Variants in FRYL observed in about 807,000 individuals in gnomAD.
FRYL encodes the protein FRY like transcription coactivator.
A neutral mutation model predicts 351.2 loss-of-function variants in FRYL; 150 were observed. That is an observed-to-expected ratio of 0.43 (90% CI 0.37 to 0.49). The LOEUF (loss-of-function observed/expected upper bound fraction) is 0.49, where lower values mean the gene tolerates loss of function less well. Among genes scored for constraint, FRYL ranks in the 20% least tolerant of loss-of-function variants. FRYL has a pLI of 0.00. For missense variants in FRYL, 3,036 were observed against 3,619.3 expected (o/e 0.84, Z 4.13); for synonymous variants, 1,153 against 1,257.1 (o/e 0.92, Z 1.75).
Position 48,499,558 on chromosome 4 carries a change from T to A in FRYL, c.8906A>T (p.Asn2969Ile). The change falls in exon 64 of 64, where the codon AAC becomes ATC. Residue 2969 changes from asparagine to isoleucine, a missense_variant. Asn to Ile is a moderately radical substitution (Grantham distance 149, BLOSUM62 -3). Transcript: ENST00000358350. ...GTAGTTGGCTTCTGACATGTCCAGG[T>A]TAGAGCCTATAACTGCAAAGCTTCC... ...QTGSFAVIGS[N>I]LDMSEANYKL... 6.2e-7 allele frequency: 1 copy of A among 1,614,126 alleles called. No individual in the cohort carries two copies. The highest frequency in any genetic ancestry group is 8.5e-7 in the Non-Finnish European group (1 of 1,179,992).
intron 2 of FRYL, 146 bp downstream of exon 2, chr4:48,710,373 G>T: frequency 2.5e-6 from 1 of 395,180 alleles, no homozygotes. Flanking sequence ...AATGTAATAT[G>T]TAAAAAATGT....
chr4:48,710,268 G>A (rs1261422831), intron 2 of FRYL, among the ~76,000 whole-genome samples: 2 of 152,154 alleles, frequency 1.3e-5, no homozygotes, highest in African/African-American at 2.4e-5. Flanking sequence ...CTTACAATAA[G>A]GGACTATAGA....
In FRYL at chr4:48,561,637, C is replaced by G; in HGVS notation, c.3697-1G>C. ...AGCGAAACATCTTCGGTTCCAGAATCTATAGGAATGTGATTCCATCAACTT... is the reference window on the plus strand; with the variant it reads ...AGCGAAACATCTTCGGTTCCAGAATGTATAGGAATGTGATTCCATCAACTT... On this transcript the variant is annotated splice_acceptor_variant, in intron 32 of 63. Transcript: ENST00000358350. LOFTEE classifies it high-confidence loss of function. The G allele has an allele frequency of 6.2e-7, 1 of 1,603,940 alleles. No individual in the cohort carries two copies. The highest frequency in any genetic ancestry group is 8.5e-7 in the Non-Finnish European group (1 of 1,174,516).
At chr4:48,754,948 C>T (rs529875282) in intron 1 of FRYL, among the ~76,000 whole-genome samples, 27 of 152,208 alleles carry the variant, frequency 1.8e-4, no homozygotes, top group African/African-American at 6.0e-4. Context: ...GGCCCTGAAT[C>T]GTTTTCAATT....
At chr4:48,640,771 C>A (rs1322049419) in intron 3 of FRYL, among the ~76,000 whole-genome samples, 1 of 152,012 alleles carries the variant, frequency 6.6e-6, no homozygotes, top group Admixed American at 6.6e-5. Context: ...TTTCTGTAAA[C>A]CCGAAATTAT....
intron 3 of FRYL, among the ~76,000 whole-genome samples, chr4:48,650,327 A>AATATC (rs1181405480): frequency 2.6e-5 from 4 of 152,186 alleles, no homozygotes; most frequent in African/African-American, 9.7e-5. Context: ...TTGTCTGCAC[A>AATATC]TTTACCAGAG....
At chr4:48,573,339 A>C in intron 25 of FRYL, 96 bp from the exon 26 acceptor site, 2 of 783,562 alleles carry the variant, frequency 2.6e-6, no homozygotes, top group Non-Finnish European at 4.3e-6. Context: ...GACAAGTGTT[A>C]ATTCCAATCC....
chr4:48,510,921 G>T lies in FRYL; in HGVS notation c.8209C>A (p.Gln2737Lys). Residue 2737 changes from glutamine (Q) to lysine (K), a missense_variant, in exon 58 of 64, where the codon CAA becomes AAA. Physicochemically the swap from Gln to Lys is moderately conservative, Grantham distance 53. This residue lies in a region of FRYL where 1,987 missense variants were observed against 2,311.7 expected (regional missense o/e 0.86). Transcript: ENST00000358350. ...CTTTTAAATTTGGTACCAATGCGTT[G>T]CAGACTATCACCAAGAAAGCTGACT... ...EAVSFLGDSLQRIGTKFKSSL... is the reference protein window; with the variant it reads ...EAVSFLGDSLKRIGTKFKSSL... The T allele has an allele frequency of 6.2e-7, 1 of 1,611,664 alleles. No homozygotes were observed. The highest frequency in any genetic ancestry group is 1.3e-5 in the African/African-American group (1 of 74,944).
intron 7 of FRYL, among the ~76,000 whole-genome samples, 195 bp from the exon 8 acceptor site, chr4:48,610,018 A>AT: frequency 6.6e-6 from 1 of 152,282 alleles, no homozygotes; most frequent in Non-Finnish European, 1.5e-5. Flanking sequence ...CAAGCTCTAA[A>AT]TTTAAGAATA....
intron 3 of FRYL, among the ~76,000 whole-genome samples, chr4:48,655,290 C>T (rs1220205466): frequency 3.9e-5 from 6 of 152,178 alleles, no homozygotes; most frequent in African/African-American, 1.4e-4. Flanking sequence ...AAAGGCTAAC[C>T]AACACAGAAC....
chr4:48,544,769 T>A lies in FRYL; in HGVS notation c.5401+14A>T. On this transcript the variant is annotated intron_variant, in intron 43 of 63. Coordinates refer to ENST00000358350, the MANE Select transcript of FRYL (RefSeq NM_015030.2). ...TAAAATGTCACTAAAACTAAAATAT[T>A]TCTTAAAAGATACCTGAGCTTGACT... 1 of 1,561,604 alleles carries A rather than the reference T, an allele frequency of 6.4e-7. No homozygotes were observed. The highest frequency in any genetic ancestry group is 1.4e-5 in the African/African-American group (1 of 71,922).
chr4:48,566,817 C>G (rs537382595), intron 28 of FRYL, among the ~76,000 whole-genome samples: 5 of 152,148 alleles, frequency 3.3e-5, no homozygotes, highest in Non-Finnish European at 7.4e-5. Flanking sequence ...AGACCCTACT[C>G]AATAATTGGA....
At chr4:48,758,688 C>A (rs549346169) in intron 1 of FRYL, among the ~76,000 whole-genome samples, 2 of 152,320 alleles carry the variant, frequency 1.3e-5, no homozygotes, top group African/African-American at 2.4e-5. Context: ...CCTCAAGGAT[C>A]TAGAACTAGA....
intron 2 of FRYL, among the ~76,000 whole-genome samples, chr4:48,704,374 C>A (rs558636407): frequency 2.0e-5 from 3 of 152,252 alleles, no homozygotes; most frequent in South Asian, 2.1e-4. Context: ...TCTGACAAAA[C>A]CCTCAAAATT....
intron 3 of FRYL, among the ~76,000 whole-genome samples, chr4:48,682,109 A>G (rs1455833690): frequency 2.0e-5 from 3 of 152,228 alleles, no homozygotes; most frequent in Non-Finnish European, 2.9e-5. Flanking sequence ...ATAACTCTGA[A>G]TGACACATAA....
Position 48,530,164 on chromosome 4 carries a change from C to G in FRYL, c.6903+992G>C, listed in dbSNP as rs546283629. ...AACATGTCCAAGACGGAACTCATTGCCCCCTCTCCTTCCCTGCTGTAAGAT... is the reference window on the plus strand; with the variant it reads ...AACATGTCCAAGACGGAACTCATTGGCCCCTCTCCTTCCCTGCTGTAAGAT... On this transcript the variant is annotated intron_variant, in intron 50 of 63. Coordinates refer to ENST00000358350, the MANE Select transcript of FRYL (RefSeq NM_015030.2). 3.8e-4 allele frequency among the ~76,000 whole-genome samples: 58 copies of G among 152,212 alleles called. 1 individual carries two copies. The highest frequency in any genetic ancestry group is 3.1e-3 in the Admixed American group (47 of 15,286).
rs1737042952 is a variant in FRYL at position 48,567,489 on chromosome 4, T to C, written c.2997-69A>G. The C allele has an allele frequency of 5.1e-6, 6 of 1,185,770 alleles. No individual in the cohort carries two copies. Among genetic ancestry groups the C allele is most frequent in the Non-Finnish European group, 7.0e-6 (6 of 858,124 alleles). 73.5% of individuals were successfully genotyped at this position (1,185,770 alleles called of 1,614,324 possible). On this transcript the variant is annotated intron_variant, in intron 27 of 63. Coordinates refer to ENST00000358350, the MANE Select transcript of FRYL (RefSeq NM_015030.2). The surrounding 1 kb of genome is among the most constrained non-coding windows in gnomAD (Gnocchi z 4.2). ...TATGATTTAAATAAAAAATTCTTAA[T>C]ACTCAAAATCAGAATAATACATGTT...
chr4:48,766,971 A>G (rs950447271), intron 1 of FRYL, among the ~76,000 whole-genome samples: 5 of 148,240 alleles, frequency 3.4e-5, no homozygotes, highest in African/African-American at 1.2e-4. Flanking sequence ...TGGATAAAAA[A>G]TCATAATATA....
Position 48,547,605 on chromosome 4 carries a change from G to T in FRYL, c.5053C>A (p.His1685Asn). ...ATACCTGTGAAATTATAATCTAAGT[G>T]TGCAACTTGTTTGACTGTAAGCACC... The part of the protein sequence containing the change: ...PRVLTVKQVA[H>N]LDYNFTAGIN... The change falls in exon 41 of 64, where the codon CAC (histidine) becomes AAC (asparagine). Residue 1685 changes from histidine (H) to asparagine (N), a missense_variant. By Grantham distance (68) the His-to-Asn change is moderately conservative. Transcript: ENST00000358350. 1 of 1,570,540 alleles carries T rather than the reference G, an allele frequency of 6.4e-7. No individual in the cohort carries two copies. The highest frequency in any genetic ancestry group is 8.7e-7 in the Non-Finnish European group (1 of 1,151,764).
Sources: allele counts gnomAD v4.1 joint callset (sites outside exome capture counted in the v4.1 genomes callset), GRCh38; gene constraint gnomAD v4.1.1; regional missense constraint gnomAD v4.1.1; non-coding constraint Gnocchi (gnomAD v3.1); transcripts MANE v1.5; gene names NCBI Gene and HGNC (gene_info 2026-07-23, HGNC 2026-07-21).